The following RASGRP1 variants were observed in gnomAD, a reference collection of about 807,000 sequenced individuals.
RASGRP1 encodes the protein RAS guanyl-releasing protein 1.
A neutral mutation model predicts 95.1 loss-of-function variants in RASGRP1; 37 were observed. That is an observed-to-expected ratio of 0.39 (90% confidence interval 0.30 to 0.51). The LOEUF (loss-of-function observed/expected upper bound fraction) is 0.51. RASGRP1 is among the 20% of genes least tolerant of loss of function. The pLI is 0.80. For missense variants in RASGRP1, 711 were observed against 965.4 expected, an observed-to-expected ratio of 0.74 and a Z score of 3.49; for synonymous variants, 325 against 353.4, an observed-to-expected ratio of 0.92 and a Z score of 0.90.
At chr15:38,557,617 G>GTA (rs1371769586) in intron 2 of RASGRP1, among the ~76,000 whole-genome samples, 1 of 150,758 alleles carries the variant, frequency 6.6e-6, no homozygotes, top group African/African-American at 2.5e-5. Flanking sequence ...GTGTGTGTGT[G>GTA]TGTGTGTGTG....
intron 10 of RASGRP1, 156 bp from the exon 11 acceptor site, chr15:38,503,532 T>G: frequency 9.1e-6 from 6 of 659,234 alleles, no homozygotes; most frequent in Non-Finnish European, 1.6e-5. Flanking sequence ...TTGAAATCTC[T>G]ACTAATAATT....
chr15:38,535,932 C>T (rs1393812748), intron 2 of RASGRP1, among the ~76,000 whole-genome samples: 1 of 152,080 alleles, frequency 6.6e-6, no homozygotes, highest in South Asian at 2.1e-4. Flanking sequence ...AAATTGGACA[C>T]AAGTCTGTGG....
At chr15:38,503,199 C>T in intron 11 of RASGRP1, 73 bp downstream of exon 11, 1 of 1,224,322 alleles carries the variant, frequency 8.2e-7, no homozygotes, top group Non-Finnish European at 1.2e-6. Flanking sequence ...GTGCTTTCCT[C>T]TCCCTTTACC....
chr15:38,513,070 T>C (rs1891604978), intron 6 of RASGRP1, 114 bp from the exon 7 acceptor site: 9 of 1,124,364 alleles, frequency 8.0e-6, no homozygotes, highest in East Asian at 2.9e-5. Flanking sequence ...GGAACTGCCA[T>C]GGAACAGAGG....
At chr15:38,536,858 CAG>C (rs1892670213) in intron 2 of RASGRP1, among the ~76,000 whole-genome samples, 1 of 152,192 alleles carries the variant, frequency 6.6e-6, no homozygotes, top group African/African-American at 2.4e-5. Flanking sequence ...AGTAACTGAA[CAG>C]AGTCTTTTGA....
chr15:38,490,662 A>G lies in RASGRP1; in HGVS notation c.2286T>C (p.Asn762=). Residue 762 remains asparagine (N), a synonymous_variant, in exon 17 of 17, where the codon AAT becomes AAC. Coordinates refer to ENST00000310803, the MANE Select transcript of RASGRP1 (RefSeq NM_005739.4). The part of the protein sequence containing the change: ...EQEINTLKAD[N]DALKIQLKYA... Reference sequence around the variant, plus strand: ...ATTTCAGTTGGATCTTTAGGGCATCATTATCTGCTTTCAGAGTATTTATTT... The same window carrying G: ...ATTTCAGTTGGATCTTTAGGGCATCGTTATCTGCTTTCAGAGTATTTATTT... 6.2e-7 allele frequency: 1 copy of G among 1,612,464 alleles called. No individual in the cohort carries two copies. Among genetic ancestry groups the G allele is most frequent in the Non-Finnish European group, 8.5e-7 (1 of 1,178,878 alleles).
rs781699506 is a variant in RASGRP1, at chr15:38,490,634, C to T, written c.2314G>A (p.Ala772Thr). Residue 772 changes from alanine to threonine, a missense_variant, in exon 17 of 17, where the codon GCA (alanine) becomes ACA (threonine). By Grantham distance (58) the Ala-to-Thr change is moderately conservative. Coordinates refer to ENST00000310803, the MANE Select transcript of RASGRP1 (RefSeq NM_005739.4). ...TGGAGGGATTCTATTTTCTTCTGTGCATATTTCAGTTGGATCTTTAGGGCA... is the reference window on the plus strand; with the variant it reads ...TGGAGGGATTCTATTTTCTTCTGTGTATATTTCAGTTGGATCTTTAGGGCA... Reference protein sequence around the residue: ...NDALKIQLKYAQKKIESLQLE... With the variant: ...NDALKIQLKYTQKKIESLQLE... 2 of 1,612,478 alleles carry T rather than the reference C, an allele frequency of 1.2e-6. No individual in the cohort carries two copies. Among genetic ancestry groups the T allele is most frequent in the Non-Finnish European group, 8.5e-7 (1 of 1,178,866 alleles).
intron 2 of RASGRP1, among the ~76,000 whole-genome samples, chr15:38,554,546 T>C (rs1263708706): frequency 6.6e-6 from 1 of 152,148 alleles, no homozygotes; most frequent in Non-Finnish European, 1.5e-5. Flanking sequence ...AGAGCACAGA[T>C]ATGAATGAAG....
rs538123770 is a variant in RASGRP1, at chr15:38,535,315, G to A, written c.221-8911C>T. Among the ~76,000 whole-genome samples, 10 of 152,176 alleles carry A rather than the reference G, an allele frequency of 6.6e-5. No homozygotes were observed. The South Asian group carries it at 2.1e-3, about 32-fold the overall frequency. On this transcript the variant is annotated intron_variant, in intron 2 of 16. Transcript: ENST00000310803. ...GAGCTCTACCATTTTGGCCATCCAT[G>A]TTACATGGCTAAACCTCTCACCCAC...
intron 16 of RASGRP1, among the ~76,000 whole-genome samples, chr15:38,493,246 C>T (rs1451449316): frequency 7.1e-6 from 1 of 140,062 alleles, no homozygotes; most frequent in Non-Finnish European, 1.5e-5. Flanking sequence ...GGCTTGGTCT[C>T]AGCTCACTGC....
intron 2 of RASGRP1, among the ~76,000 whole-genome samples, chr15:38,543,036 T>C (rs1892966631): frequency 6.6e-6 from 1 of 151,494 alleles, no homozygotes; most frequent in Non-Finnish European, 1.5e-5. Context: ...TTTTGATTTT[T>C]ATAAAGTCCA....
At chr15:38,501,366 G>T in intron 12 of RASGRP1, 79 bp from the exon 13 acceptor site, 1 of 1,501,024 alleles carries the variant, frequency 6.7e-7, no homozygotes, top group South Asian at 1.1e-5. Context: ...TCTAGCCTTA[G>T]AAACTCACCT....
intron 3 of RASGRP1, among the ~76,000 whole-genome samples, chr15:38,525,834 C>T (rs1892199217): frequency 6.6e-6 from 1 of 152,126 alleles, no homozygotes; most frequent in Non-Finnish European, 1.5e-5. Flanking sequence ...CATAGTCAGT[C>T]CTCCTGCCTG....
chr15:38,508,545 G>C lies in RASGRP1; in HGVS notation c.967-544C>G, dbSNP rs80256875. Among the ~76,000 whole-genome samples the C allele has an allele frequency of 5.3e-3, 814 of 152,324 alleles. 10 individuals are homozygous for C. Among genetic ancestry groups the C allele is most frequent in the African/African-American group, 0.018 (767 of 41,570 alleles). On this transcript the variant is annotated intron_variant, in intron 8 of 16. Transcript: ENST00000310803. Reference sequence around the variant, plus strand: ...GTGTGTTATTCTCTATGAGGTGCTTGATGGGCCTTTCAAGATTCTCAGAAT... The same window carrying C: ...GTGTGTTATTCTCTATGAGGTGCTTCATGGGCCTTTCAAGATTCTCAGAAT...
chr15:38,512,743 C>T (rs1891586574), intron 7 of RASGRP1, 40 bp downstream of exon 7: 5 of 1,609,246 alleles, frequency 3.1e-6, no homozygotes, highest in South Asian at 1.1e-5. Flanking sequence ...AGAAAGTTTA[C>T]CTTATAGCCC....
chr15:38,509,596 C>T (rs1459723689), intron 8 of RASGRP1, among the ~76,000 whole-genome samples: 1 of 152,108 alleles, frequency 6.6e-6, no homozygotes, highest in Non-Finnish European at 1.5e-5. Context: ...CGTGGTGGCA[C>T]ACGCCTGTAG....
At chr15:38,507,583 C>A in intron 9 of RASGRP1, 143 bp downstream of exon 9, 1 of 963,852 alleles carries the variant, frequency 1.0e-6, no homozygotes, top group Non-Finnish European at 1.5e-6. Flanking sequence ...GCTTTAGTAT[C>A]CCTAGCTATA....
chr15:38,536,076 A>C (rs1056861188), intron 2 of RASGRP1, among the ~76,000 whole-genome samples: 6 of 152,254 alleles, frequency 3.9e-5, no homozygotes, highest in Non-Finnish European at 8.8e-5. Flanking sequence ...TGTTGAAGTC[A>C]GTGCCGACTG....
chr15:38,495,537 T>C (rs1263809312), intron 15 of RASGRP1, among the ~76,000 whole-genome samples: 1 of 152,188 alleles, frequency 6.6e-6, no homozygotes, highest in East Asian at 1.9e-4. Flanking sequence ...TTTGAAGACA[T>C]TGGATTAGTA....
Sources: allele counts gnomAD v4.1 joint callset (sites outside exome capture counted in the v4.1 genomes callset), GRCh38; gene constraint gnomAD v4.1.1; transcripts MANE v1.5; gene names NCBI Gene and HGNC (gene_info 2026-07-23, HGNC 2026-07-21).